The following BTNL9 variants were observed in gnomAD, a reference collection of about 807,000 sequenced individuals.
BTNL9 encodes the protein butyrophilin-like protein 9.
In BTNL9, 45 loss-of-function variants were observed where a neutral mutation model predicts 45.8. The observed-to-expected ratio is 0.98, with a 90% CI of 0.77 to 1.26. The LOEUF (loss-of-function observed/expected upper bound fraction) is 1.26. Among genes scored for constraint, BTNL9 ranks in the 50% most tolerant of loss-of-function variants. The pLI is 0.00. For synonymous variants in BTNL9, 346 were observed against 330.8 expected, an observed-to-expected ratio of 1.05 and a Z score of -0.50; for missense variants, 784 against 729.7, an observed-to-expected ratio of 1.07 and a Z score of -0.86.
Position 181,059,849 on chromosome 5 carries a change from T to C in BTNL9, c.1595T>C (p.Leu532Pro), listed in dbSNP as rs746900251. ...LQPYEPADPALDWW is the reference protein window; with the variant it reads ...LQPYEPADPAPDWW ...CCCTATGAGCCCGCGGACCCCGCCC[T>C]GGACTGGTGGTGAGGCGCCCTCGTG... Residue 532 changes from leucine to proline, a missense_variant, in exon 11 of 11, where the codon CTG becomes CCG. Coordinates refer to ENST00000327705, the MANE Select transcript of BTNL9 (RefSeq NM_152547.5). 6.4e-7 allele frequency: 1 copy of C among 1,571,032 alleles called. No individual in the cohort carries two copies. The highest frequency in any genetic ancestry group is 8.6e-7 in the Non-Finnish European group (1 of 1,163,692).
At position 181,055,718 on chromosome 5, in the gene BTNL9, G is replaced by A. The variant is rs1314526778; in HGVS notation, c.928+265G>A. 8.7e-6 allele frequency: 6 copies of A among 692,722 alleles called. No individual in the cohort carries two copies. The African/African-American group carries it at 8.8e-5, about 10-fold the overall frequency. 42.9% of individuals were successfully genotyped at this position (692,722 alleles called of 1,614,324 possible). On this transcript the variant is annotated intron_variant, in intron 8 of 10. Transcript: ENST00000327705. The surrounding 1 kb of genome is among the most constrained non-coding windows in gnomAD (Gnocchi z 4.4). Reference sequence around the variant, plus strand: ...CGGGAAGCGGAGCTTGCAGTGAGCCGAGATGGCGCCACTGCACTCCAGCCT... The same window carrying A: ...CGGGAAGCGGAGCTTGCAGTGAGCCAAGATGGCGCCACTGCACTCCAGCCT...
rs1761818504 is a variant in BTNL9, at chr5:181,055,272, T to C, written c.908-161T>C. 1.3e-5 allele frequency: 19 copies of C among 1,500,708 alleles called. 1 individual carries two copies. In the South Asian group the frequency reaches 2.2e-4, roughly 17 times the overall value. 93.0% of individuals were successfully genotyped at this position (1,500,708 alleles called of 1,614,324 possible). On this transcript the variant is annotated intron_variant, in intron 7 of 10. Transcript: ENST00000327705. The surrounding 1 kb of genome is among the most constrained non-coding windows in gnomAD (Gnocchi z 4.4). ...AGAGTCCTGCAGATGGGCCTCTTTT[T>C]GAGGGCAATGAAGGGGCAAAGAGGA...
At position 181,053,975 on chromosome 5, in the gene BTNL9, G is replaced by A. The variant is rs1454304279; in HGVS notation, c.887-264G>A. 1 of 1,531,652 alleles carries A rather than the reference G, an allele frequency of 6.5e-7. No individual in the cohort carries two copies. The highest frequency in any genetic ancestry group is 8.7e-7 in the Non-Finnish European group (1 of 1,143,416). 94.9% of individuals were successfully genotyped at this position (1,531,652 alleles called of 1,614,324 possible). ...GTTTCCGCCGAGCTAATAGATTTGG[G>A]AGGCTCCGACCCTGATTTTCACACT... On this transcript the variant is annotated intron_variant, in intron 6 of 10. Transcript: ENST00000327705. This position sits in a 1 kb window ranked among gnomAD's most constrained non-coding sequence, Gnocchi z 6.5.
At chr5:181,045,656 C>G (rs1041191790) in intron 2 of BTNL9, 58 bp downstream of exon 2, 4 of 1,336,490 alleles carry the variant, frequency 3.0e-6, no homozygotes, top group East Asian at 2.3e-5. Flanking sequence ...CTGCCAGGTG[C>G]TCCCCAGGGC....
At chr5:181,052,686 C>T (rs1442115794) in intron 4 of BTNL9, 1 of 152,200 alleles carries the variant, frequency 6.6e-6, no homozygotes, top group Non-Finnish European at 1.5e-5. Flanking sequence ...GGCGGGTCCT[C>T]CCTGGGGAGC....
At position 181,055,307 on chromosome 5, in the gene BTNL9, A is replaced by C; in HGVS notation, c.908-126A>C. The C allele has an allele frequency of 6.4e-7, 1 of 1,568,814 alleles. No homozygotes were observed. The highest frequency in any genetic ancestry group is 8.6e-7 in the Non-Finnish European group (1 of 1,161,246). ...GAAGGGGCAAAGAGGAAGCTGTAAA[A>C]AAAAAAAAATGAAGCTGTGATTAGC... On this transcript the variant is annotated intron_variant, in intron 7 of 10. Coordinates refer to ENST00000327705, the MANE Select transcript of BTNL9 (RefSeq NM_152547.5). This position sits in a 1 kb window ranked among gnomAD's most constrained non-coding sequence, Gnocchi z 4.4.
chr5:181,050,518 A>G lies in BTNL9; in HGVS notation c.736+149A>G. 4.1e-6 allele frequency: 4 copies of G among 968,466 alleles called. No homozygotes were observed. The South Asian group carries it at 6.6e-5, about 16-fold the overall frequency. 60.0% of individuals were successfully genotyped at this position (968,466 alleles called of 1,614,324 possible). A position where few individuals can be genotyped will look rare whatever the true frequency, so the allele number is the denominator to read the frequency against. On this transcript the variant is annotated intron_variant, in intron 4 of 10. Coordinates refer to ENST00000327705, the MANE Select transcript of BTNL9 (RefSeq NM_152547.5). This position sits in a 1 kb window ranked among gnomAD's most constrained non-coding sequence, Gnocchi z 4.9. The stretch of plus-strand genomic sequence containing the variant: ...GACACCTGAAAAGTCAGCACCTTGG[A>G]TATTAGGAACACACTAAGAACGCTA...
rs150171122 is a variant in BTNL9 at position 181,046,623 on chromosome 5, T to A, written c.109+1025T>A. On this transcript the variant is annotated intron_variant, in intron 2 of 10. Transcript: ENST00000327705. The stretch of plus-strand genomic sequence containing the variant: ...GCAGTCTGTAGTCAAGGGAGGGGTG[T>A]GGATGTGGCATAAATGGCTGTCCAT... Among the ~76,000 whole-genome samples, 11 of 151,690 alleles carry A rather than the reference T, an allele frequency of 7.3e-5. 1 individual carries two copies. The highest frequency in any genetic ancestry group is 2.1e-4 in the South Asian group (1 of 4,782).
In BTNL9 at chr5:181,050,280, T is replaced by C. The variant is rs1342029769; in HGVS notation, c.647T>C (p.Val216Ala). ...QDLFSLETSV[V>A]VRAGALSNVS... is the part of the protein sequence containing the mutation. ...CTGTTCAGTCTGGAAACATCTGTGG[T>C]TGTCCGAGCGGGAGCCCTCAGCAAT... is the stretch of plus-strand genomic sequence containing the variant. The change falls in exon 4 of 11, where the codon GTT becomes GCT. Residue 216 changes from valine (V) to alanine (A), a missense_variant. Transcript: ENST00000327705. The surrounding 1 kb of genome is among the most constrained non-coding windows in gnomAD (Gnocchi z 4.9). The C allele has an allele frequency of 3.1e-6, 5 of 1,613,998 alleles. No individual in the cohort carries two copies. In the African/African-American group the frequency reaches 4.0e-5, roughly 13 times the overall value.
Position 181,060,131 on chromosome 5 carries a change from G to A in BTNL9, c.*269G>A, listed in dbSNP as rs747261326. The A allele has an allele frequency of 2.3e-6, 1 of 437,706 alleles. No homozygotes were observed. Among genetic ancestry groups the A allele is most frequent in the South Asian group, 6.7e-5 (1 of 14,906 alleles). The allele number at this position is 437,706 out of a possible 1,614,324, so 27.1% of individuals were successfully genotyped here. On this transcript the variant is annotated 3_prime_UTR_variant, in exon 11 of 11. Coordinates refer to ENST00000327705, the MANE Select transcript of BTNL9 (RefSeq NM_152547.5). ...CGTCGCTCAGAGCTGGGGTGCTCAC[G>A]GTGGGCGGTGGGCAAGAAGCCAGCA... is the stretch of plus-strand genomic sequence containing the variant.
intron 10 of BTNL9, 127 bp downstream of exon 10, chr5:181,058,505 GAC>G (rs1196268342): frequency 6.4e-6 from 8 of 1,258,734 alleles, no homozygotes; most frequent in East Asian, 2.3e-5. Context: ...GCACACACAA[GAC>G]ACACACGCAC....
rs774154303 is a variant in BTNL9, at chr5:181,045,581, C to A, written c.92C>A (p.Pro31His). Reference protein sequence around the residue: ...VFLMHLLLLQPGEPSSEVKVL... With the variant: ...VFLMHLLLLQHGEPSSEVKVL... ...CTCATGCACCTCCTCCTCCTTCAGC[C>A]TGGGGAGCCGAGCTCAGGTATTGTG... Residue 31 changes from proline to histidine, a missense_variant, in exon 2 of 11, where the codon CCT becomes CAT. Coordinates refer to ENST00000327705, the MANE Select transcript of BTNL9 (RefSeq NM_152547.5). The A allele has an allele frequency of 6.2e-7, 1 of 1,612,348 alleles. No homozygotes were observed. Among genetic ancestry groups the A allele is most frequent in the Non-Finnish European group, 8.5e-7 (1 of 1,179,152 alleles).
In BTNL9 at chr5:181,059,717, C is replaced by T. The variant is rs1372909883; in HGVS notation, c.1463C>T (p.Pro488Leu). ...FSGALCAYFR[P>L]RAHDGGEHPD... The stretch of plus-strand genomic sequence containing the variant: ...GGCGCGCTCTGTGCGTACTTCAGGC[C>T]CAGGGCCCACGACGGCGGCGAACAT... Residue 488 changes from proline to leucine, a missense_variant, in exon 11 of 11, where the codon CCC becomes CTC. Transcript: ENST00000327705. 1.9e-6 allele frequency: 3 copies of T among 1,613,528 alleles called. No individual in the cohort carries two copies. The highest frequency in any genetic ancestry group is 2.5e-6 in the Non-Finnish European group (3 of 1,179,966).
intron 9 of BTNL9, among the ~76,000 whole-genome samples, chr5:181,057,491 TC>T (rs1191704343): frequency 4.6e-5 from 7 of 152,246 alleles, no homozygotes; most frequent in African/African-American, 1.7e-4. Context: ...TATGAGTTTG[TC>T]CATTGGCCAC....
Position 181,059,266 on chromosome 5 carries a change from C to A in BTNL9, c.1012C>A (p.His338Asn). 6.4e-7 allele frequency: 1 copy of A among 1,569,576 alleles called. No homozygotes were observed. Among genetic ancestry groups the A allele is most frequent in the Non-Finnish European group, 8.6e-7 (1 of 1,166,684 alleles). The change falls in exon 11 of 11, where the codon CAC becomes AAC. Residue 338 changes from histidine (H) to asparagine (N), a missense_variant. Physicochemically the swap from His to Asn is moderately conservative, Grantham distance 68 (BLOSUM62 1). Coordinates refer to ENST00000327705, the MANE Select transcript of BTNL9 (RefSeq NM_152547.5). Reference sequence around the variant, plus strand: ...TGTGACGCTGGACCCGGCCTCGGCGCACCCCAGCCTGGAGGTGTCGGAGGA... The same window carrying A: ...TGTGACGCTGGACCCGGCCTCGGCGAACCCCAGCCTGGAGGTGTCGGAGGA... ...VDVTLDPASA[H>N]PSLEVSEDGK...
chr5:181,059,120 G>A (rs2113264499), intron 10 of BTNL9, 117 bp from the exon 11 acceptor site: 1 of 1,402,890 alleles, frequency 7.1e-7, no homozygotes. Flanking sequence ...GTCGGGGTAA[G>A]GGGTTCATTT....
Position 181,059,690 on chromosome 5 carries a change from C to A in BTNL9, c.1436C>A (p.Ser479Ter). Residue 479 changes from serine (S) to a stop codon, truncating the protein, a stop_gained, in exon 11 of 11, where the codon TCG (serine) becomes TAG (stop). Coordinates refer to ENST00000327705, the MANE Select transcript of BTNL9 (RefSeq NM_152547.5). LOFTEE classifies it low-confidence loss of function (END_TRUNC). Reference protein sequence around the residue: ...SHIFTFHDTFSGALCAYFRPR... With the variant: ...SHIFTFHDTF ...ATCTTCACCTTCCACGACACCTTCTCGGGCGCGCTCTGTGCGTACTTCAGG... is the reference window on the plus strand; with the variant it reads ...ATCTTCACCTTCCACGACACCTTCTAGGGCGCGCTCTGTGCGTACTTCAGG... 1 of 1,613,682 alleles carries A rather than the reference C, an allele frequency of 6.2e-7. No homozygotes were observed. Among genetic ancestry groups the A allele is most frequent in the Non-Finnish European group, 8.5e-7 (1 of 1,179,962 alleles).
chr5:181,057,922 A>C (rs1009752320), intron 9 of BTNL9, among the ~76,000 whole-genome samples: 1 of 152,224 alleles, frequency 6.6e-6, no homozygotes, highest in Non-Finnish European at 1.5e-5. Flanking sequence ...ATTGATTCAC[A>C]TTAAGAATGG....
At chr5:181,045,890 C>T (rs1343399441) in intron 2 of BTNL9, among the ~76,000 whole-genome samples, 6 of 64,908 alleles carry the variant, frequency 9.2e-5, no homozygotes, top group Non-Finnish European at 1.5e-4. Flanking sequence ...CCCCAGCCCC[C>T]GACACCTCCT....
Sources: gnomAD v4.1 joint callset for allele counts (sites outside exome capture counted in the v4.1 genomes callset) on GRCh38, gnomAD v4.1.1 for gene constraint, Gnocchi (gnomAD v3.1) non-coding constraint, MANE v1.5 for transcripts, NCBI Gene and HGNC (gene_info 2026-07-23, HGNC 2026-07-21) for gene names.